The following SPNS2 variants were observed in gnomAD, a reference collection of about 807,000 sequenced individuals.
The protein encoded by SPNS2 is SPNS lysolipid transporter 2, sphingosine-1-phosphate.
A neutral mutation model predicts 57.6 loss-of-function variants in SPNS2; 37 were observed. The ratio of observed to expected loss-of-function variants is 0.64; its 90% CI spans 0.49 to 0.85. The LOEUF is 0.85. SPNS2 is among the 40% of genes least tolerant of loss of function. The pLI is 0.00. For synonymous variants in SPNS2, 440 were observed against 346.9 expected (o/e 1.27, Z -2.98); for missense variants, 831 against 779.1 (o/e 1.07, Z -0.79).
Position 4,533,331 on chromosome 17 carries a change from C to A in SPNS2, c.1177C>A (p.Gln393Lys), listed in dbSNP as rs750081086. 1 of 1,611,974 alleles carries A rather than the reference C, an allele frequency of 6.2e-7. No homozygotes were observed. The highest frequency in any genetic ancestry group is 8.5e-7 in the Non-Finnish European group (1 of 1,179,662). ...GATRWCRLKT[Q>K]RADPLVCAVG... Reference sequence around the variant, plus strand: ...CACGCGCTGGTGCCGCCTGAAGACCCAGCGGGCCGACCCACTGGTGTGTGC... The same window carrying A: ...CACGCGCTGGTGCCGCCTGAAGACCAAGCGGGCCGACCCACTGGTGTGTGC... Residue 393 changes from glutamine (Q) to lysine (K), a missense_variant, in exon 8 of 13, where the codon CAG becomes AAG. Physicochemically the swap from Gln to Lys is moderately conservative, Grantham distance 53 (BLOSUM62 1). Transcript: ENST00000329078.
intron 2 of SPNS2, among the ~76,000 whole-genome samples, chr17:4,523,401 G>A (rs962873125): frequency 7.2e-5 from 11 of 152,156 alleles, no homozygotes; most frequent in African/African-American, 1.2e-4. Flanking sequence ...TCGCACCACT[G>A]CACTCCAGCT....
At chr17:4,525,021 ACCTGGGC>A in intron 2 of SPNS2, 29 bp from the exon 3 acceptor site, 1 of 1,606,402 alleles carries the variant, frequency 6.2e-7, no homozygotes, top group South Asian at 1.1e-5. Context: ...GGGCGCAGGG[ACCTGGGC>A]CCCCCCTCAA....
At chr17:4,505,970 G>A (rs1244733888) in intron 1 of SPNS2, among the ~76,000 whole-genome samples, 1 of 152,218 alleles carries the variant, frequency 6.6e-6, no homozygotes, top group Non-Finnish European at 1.5e-5. Context: ...ATCAGGCTTT[G>A]TCAACTGAAA....
At chr17:4,530,591 T>C (rs555095510) in intron 3 of SPNS2, 41 bp from the exon 4 acceptor site, 13 of 1,585,924 alleles carry the variant, frequency 8.2e-6, no homozygotes, top group Admixed American at 3.4e-5. Context: ...AGGCAGACGG[T>C]GGGTAGTCGG....
At chr17:4,526,684 C>G (rs1227616427) in intron 3 of SPNS2, among the ~76,000 whole-genome samples, 1 of 151,974 alleles carries the variant, frequency 6.6e-6, no homozygotes, top group Non-Finnish European at 1.5e-5. Flanking sequence ...TCATGGAGAA[C>G]CTTGAATGCC....
Position 4,533,112 on chromosome 17 carries a change from C to G in SPNS2, c.1071C>G (p.Pro357=). ...CAGCAGAGACGTGCAACAGCCCGCC[C>G]TGTGGGGCCAAGGACAGGTGGGGCC... ...QKTAETCNSP[P]CGAKDSLIFG... is the part of the protein sequence containing the mutation. The change falls in exon 7 of 13, where the codon CCC becomes CCG. Residue 357 remains proline, a synonymous_variant. Transcript: ENST00000329078. The G allele has an allele frequency of 6.2e-7, 1 of 1,611,336 alleles. No individual in the cohort carries two copies. Among genetic ancestry groups the G allele is most frequent in the South Asian group, 1.1e-5 (1 of 90,832 alleles).
At chr17:4,534,118 G>A (rs1905640655) in intron 9 of SPNS2, among the ~76,000 whole-genome samples, 2 of 152,104 alleles carry the variant, frequency 1.3e-5, no homozygotes, top group Admixed American at 6.6e-5. Context: ...TTAGTGGCTG[G>A]GAGGCTGGCG....
chr17:4,529,942 G>A (rs1031600327), intron 3 of SPNS2, among the ~76,000 whole-genome samples: 2 of 152,186 alleles, frequency 1.3e-5, no homozygotes, highest in Non-Finnish European at 2.9e-5. Context: ...GGCGATGCTG[G>A]CCAGATGGGT....
rs912360059 is a variant in SPNS2, at chr17:4,537,947, G to C, written c.*499G>C. The C allele has an allele frequency of 7.9e-6, 3 of 379,514 alleles. No individual in the cohort carries two copies. Among genetic ancestry groups the C allele is most frequent in the African/African-American group, 2.1e-5 (1 of 47,720 alleles). 23.5% of individuals were successfully genotyped at this position (379,514 alleles called of 1,614,324 possible). ...CGGCAGTCCCGGCTTTGAGGCTCAC[G>C]CGAGGGCCTGGTATGCAGGGACCAC... On this transcript the variant is annotated 3_prime_UTR_variant, in exon 13 of 13. Transcript: ENST00000329078.
In SPNS2 at chr17:4,501,930, G is replaced by C. The variant is rs535968159; in HGVS notation, c.370+2513G>C. Among the ~76,000 whole-genome samples the C allele has an allele frequency of 2.0e-5, 3 of 152,236 alleles. No homozygotes were observed. In the South Asian group the frequency reaches 6.2e-4, roughly 32 times the overall value. On this transcript the variant is annotated intron_variant, in intron 1 of 12. Coordinates refer to ENST00000329078, the MANE Select transcript of SPNS2 (RefSeq NM_001124758.3). ...ATCTGTTTTTTCATAGTGTAGACCA[G>C]CTTTGTCCAAAAGAAATATAATGTA...
intron 11 of SPNS2, 109 bp downstream of exon 11, chr17:4,536,535 G>T: frequency 1.6e-6 from 2 of 1,288,264 alleles, no homozygotes; most frequent in Non-Finnish European, 2.1e-6. Flanking sequence ...GACCTCCCAT[G>T]CACTCAGTGC....
intron 2 of SPNS2, among the ~76,000 whole-genome samples, chr17:4,524,142 G>A (rs1483569272): frequency 6.6e-6 from 1 of 152,210 alleles, no homozygotes; most frequent in African/African-American, 2.4e-5. Context: ...AGTTCTGCCT[G>A]ATTTGCTGTG....
rs1053015732 is a variant in SPNS2 at position 4,537,653 on chromosome 17, G to A, written c.*205G>A. 1.3e-5 allele frequency: 6 copies of A among 456,658 alleles called. No individual in the cohort carries two copies. The highest frequency in any genetic ancestry group is 2.2e-5 in the Non-Finnish European group (5 of 226,980). 28.3% of individuals were successfully genotyped at this position (456,658 alleles called of 1,614,324 possible). ...GTTACCCTGGAAGGATGTGTGTGTTGGAGCCACACGGTTGGACAGGTTCCC... is the reference window on the plus strand; with the variant it reads ...GTTACCCTGGAAGGATGTGTGTGTTAGAGCCACACGGTTGGACAGGTTCCC... On this transcript the variant is annotated 3_prime_UTR_variant, in exon 13 of 13. Transcript: ENST00000329078.
intron 9 of SPNS2, among the ~76,000 whole-genome samples, chr17:4,535,429 A>G (rs1305865699): frequency 6.6e-6 from 1 of 152,152 alleles, no homozygotes; most frequent in Non-Finnish European, 1.5e-5. Flanking sequence ...GGTGAGGACA[A>G]ATGGCTGTGG....
chr17:4,520,754 CA>C (rs1905119428), intron 2 of SPNS2, among the ~76,000 whole-genome samples: 1 of 152,126 alleles, frequency 6.6e-6, no homozygotes, highest in Non-Finnish European at 1.5e-5. Context: ...TGGAGTCTGC[CA>C]AACTGGGATT....
intron 1 of SPNS2, among the ~76,000 whole-genome samples, chr17:4,503,370 T>A (rs974380122): frequency 1.3e-5 from 2 of 152,144 alleles, no homozygotes; most frequent in East Asian, 1.9e-4. Context: ...GCTCCTATGG[T>A]CCCTAGCAGC....
intron 2 of SPNS2, among the ~76,000 whole-genome samples, chr17:4,518,288 G>A (rs1018931353): frequency 1.3e-5 from 2 of 152,352 alleles, no homozygotes; most frequent in African/African-American, 4.8e-5. Context: ...ACTTTGGGAG[G>A]CTGAGGCGGG....
chr17:4,501,714 T>C (rs944340298), intron 1 of SPNS2, among the ~76,000 whole-genome samples: 2 of 152,186 alleles, frequency 1.3e-5, no homozygotes, highest in Admixed American at 1.3e-4. Context: ...TACTATGGCT[T>C]GATGTGCTAG....
At chr17:4,536,035 CCT>C (rs1567597478) in intron 9 of SPNS2, 39 bp from the exon 10 acceptor site, 1 of 1,578,314 alleles carries the variant, frequency 6.3e-7, no homozygotes, top group Non-Finnish European at 8.6e-7. Context: ...AGCGCGTGAG[CCT>C]TTCTCCTCTG....
Sources: allele counts gnomAD v4.1 joint callset (sites outside exome capture counted in the v4.1 genomes callset), GRCh38; gene constraint gnomAD v4.1.1; transcripts MANE v1.5; gene names NCBI Gene and HGNC (gene_info 2026-07-23, HGNC 2026-07-21).